ARHGEF4: variants seen among roughly 807,000 people sequenced by gnomAD.
The protein encoded by ARHGEF4 is APC-stimulated guanine nucleotide exchange factor 1.
ARHGEF4 carries 119 observed loss-of-function variants against 162.0 expected under a neutral mutation model. The ratio of observed to expected loss-of-function variants is 0.73; its 90% confidence interval spans 0.63 to 0.86. The LOEUF is 0.86. ARHGEF4 is among the 40% of genes least tolerant of loss of function. ARHGEF4 has a pLI of 0.00. For synonymous variants in ARHGEF4, 1,014 were observed against 979.9 expected (o/e 1.03, Z -0.65); for missense variants, 2,488 against 2,456.0 (o/e 1.01, Z -0.28).
chr2:130,986,819 G>C (rs1453928342), intron 4 of ARHGEF4, among the ~76,000 whole-genome samples: 2 of 152,192 alleles, frequency 1.3e-5, no homozygotes, highest in African/African-American at 4.8e-5. Context: ...CCCTTTCTCT[G>C]GCTGCCTTCT....
At chr2:130,964,381 C>T (rs886994969) in intron 4 of ARHGEF4, 20 of 410,830 alleles carry the variant, frequency 4.9e-5, no homozygotes, top group African/African-American at 4.5e-4. Flanking sequence ...CTCCTGGTCC[C>T]TTCCTTCCCA....
rs1466047060 is a variant in ARHGEF4, at chr2:131,046,420, G to A, written c.*231G>A. On this transcript the variant is annotated 3_prime_UTR_variant, in exon 14 of 14. Coordinates refer to ENST00000409359, the MANE Select transcript of ARHGEF4 (RefSeq NM_001367493.1). ...GGGCAGACCCCGCACTCGCCACACCGCCGCTGCAGCTTGGGCCCCATCCGC... is the reference window on the plus strand; with the variant it reads ...GGGCAGACCCCGCACTCGCCACACCACCGCTGCAGCTTGGGCCCCATCCGC... The A allele has an allele frequency of 9.2e-6, 5 of 541,442 alleles. No homozygotes were observed. Among genetic ancestry groups the A allele is most frequent in the African/African-American group, 3.8e-5 (2 of 52,382 alleles). 33.5% of individuals were successfully genotyped at this position (541,442 alleles called of 1,614,324 possible). A position where few individuals can be genotyped will look rare whatever the true frequency, so the allele number is the denominator to read the frequency against.
At position 130,930,942 on chromosome 2, in the gene ARHGEF4, T is replaced by A; in HGVS notation, c.3553-10T>A. 1.3e-6 allele frequency: 2 copies of A among 1,596,336 alleles called. No homozygotes were observed. The highest frequency in any genetic ancestry group is 2.2e-5 in the East Asian group (1 of 44,446). On this transcript the variant is annotated splice_polypyrimidine_tract_variant and intron_variant, in intron 2 of 13. Transcript: ENST00000409359. ...CCTCTGACCCCTGACCCGTTCTCTC[T>A]GCTCTCCAGAACCACATGCCCTGGG...
At chr2:131,035,073 G>A in intron 5 of ARHGEF4, 1 of 1,018,444 alleles carries the variant, frequency 9.8e-7, no homozygotes, top group Non-Finnish European at 1.2e-6. Flanking sequence ...GGGCCGCACG[G>A]AGCGGGAGGC....
intron 2 of ARHGEF4, among the ~76,000 whole-genome samples, chr2:130,918,053 C>G (rs1001839038): frequency 5.9e-5 from 9 of 151,496 alleles, no homozygotes; most frequent in African/African-American, 1.9e-4. Context: ...AACTCCTGAC[C>G]TCGTGATCCA....
In ARHGEF4 at chr2:131,041,200, G is replaced by A. The variant is rs199690025; in HGVS notation, c.4663-30G>A. On this transcript the variant is annotated intron_variant, in intron 8 of 13. Transcript: ENST00000409359. ...GGATTGCCTGTGGGAGCAGCAGAGA[G>A]CTCTGCTAACCTCCAGCTGTGCCCC... The A allele has an allele frequency of 4.4e-6, 7 of 1,578,086 alleles. No individual in the cohort carries two copies. In the East Asian group the frequency reaches 1.1e-4, roughly 25 times the overall value.
intron 6 of ARHGEF4, 103 bp from the exon 7 acceptor site, chr2:131,039,913 A>G: frequency 6.8e-7 from 1 of 1,475,902 alleles, no homozygotes; most frequent in Non-Finnish European, 8.9e-7. Context: ...CGCCCCGTAC[A>G]CCCTGCGGGG....
intron 1 of ARHGEF4, among the ~76,000 whole-genome samples, chr2:130,903,842 C>CA (rs1434094672): frequency 1.3e-5 from 2 of 152,192 alleles, no homozygotes; most frequent in African/African-American, 4.8e-5. Flanking sequence ...TCCATTTACA[C>CA]AAAGGATTTG....
At chr2:130,977,829 CAGAA>C (rs1685858112) in intron 4 of ARHGEF4, among the ~76,000 whole-genome samples, 1 of 152,106 alleles carries the variant, frequency 6.6e-6, no homozygotes, top group Admixed American at 6.5e-5. Context: ...GCCCACCACA[CAGAA>C]AGCCAATCAC....
chr2:130,974,307 A>G (rs1054052234), intron 4 of ARHGEF4, among the ~76,000 whole-genome samples: 9 of 152,032 alleles, frequency 5.9e-5, no homozygotes, highest in Non-Finnish European at 2.9e-5. Flanking sequence ...TGGGCTATCA[A>G]GAACAATACT....
At position 131,046,967 on chromosome 2, in the gene ARHGEF4, A is replaced by AATTG. The variant is rs1355127586; in HGVS notation, c.*782_*785dup. 1.3e-5 allele frequency: 2 copies of AATTG among 152,662 alleles called. No homozygotes were observed. Among genetic ancestry groups the AATTG allele is most frequent in the African/African-American group, 2.4e-5 (1 of 41,474 alleles). 9.5% of individuals were successfully genotyped at this position (152,662 alleles called of 1,614,324 possible). ...CTAACAACAAACAATGGAGAAAAAG[A>AATTG]ATTGATTCTTAGTGACACAGAAGAT... On this transcript the variant is annotated 3_prime_UTR_variant, in exon 14 of 14. Coordinates refer to ENST00000409359, the MANE Select transcript of ARHGEF4 (RefSeq NM_001367493.1).
At chr2:130,976,299 C>T (rs779616162) in intron 4 of ARHGEF4, among the ~76,000 whole-genome samples, 1 of 151,902 alleles carries the variant, frequency 6.6e-6, no homozygotes, top group Non-Finnish European at 1.5e-5. Flanking sequence ...CTGTTTGCAT[C>T]TAGAGCTCTC....
chr2:130,927,704 C>T (rs7349244), intron 2 of ARHGEF4, among the ~76,000 whole-genome samples: 87,640 of 151,758 alleles, frequency 0.58, 29,640 homozygotes, highest in East Asian at 0.84. Context: ...GGTATATATG[C>T]GGCAAAAGAA....
chr2:130,859,338 T>C (rs1292555720), intron 1 of ARHGEF4, among the ~76,000 whole-genome samples: 2 of 78,004 alleles, frequency 2.6e-5, no homozygotes, highest in Non-Finnish European at 3.3e-5. Context: ...CAGTGAGCCA[T>C]GATCGTGCCA....
intron 1 of ARHGEF4, among the ~76,000 whole-genome samples, chr2:130,869,008 C>G (rs567684172): frequency 6.1e-4 from 93 of 152,364 alleles, no homozygotes; most frequent in African/African-American, 2.2e-3. Flanking sequence ...ATCTCCCCAT[C>G]TCATGCACTT....
rs1681483775 is a variant in ARHGEF4 at position 130,916,244 on chromosome 2, C to A, written c.2298C>A (p.Arg766=). The A allele has an allele frequency of 1.3e-6, 2 of 1,526,476 alleles. No individual in the cohort carries two copies. The highest frequency in any genetic ancestry group is 1.2e-5 in the South Asian group (1 of 80,702). The allele number at this position is 1,526,476 out of a possible 1,614,324, so 94.6% of individuals were successfully genotyped here. A position where few individuals can be genotyped will look rare whatever the true frequency, so the allele number is the denominator to read the frequency against. ...EGGAAAARGQ[R]PRVPALEPPQ... Reference sequence around the variant, plus strand: ...GTGCTGCAGCAGCCCGGGGCCAGCGCCCCCGCGTCCCCGCCTTGGAGCCGC... The same window carrying A: ...GTGCTGCAGCAGCCCGGGGCCAGCGACCCCGCGTCCCCGCCTTGGAGCCGC... The change falls in exon 2 of 14, where the codon CGC becomes CGA. Residue 766 remains arginine, a synonymous_variant. Coordinates refer to ENST00000409359, the MANE Select transcript of ARHGEF4 (RefSeq NM_001367493.1).
intron 4 of ARHGEF4, among the ~76,000 whole-genome samples, chr2:131,020,458 C>T (rs1445575586): frequency 6.6e-6 from 1 of 151,010 alleles, no homozygotes; most frequent in East Asian, 2.0e-4. Flanking sequence ...TTTGTCCTTG[C>T]GATAGTTTGC....
At position 130,916,898 on chromosome 2, in the gene ARHGEF4, C is replaced by T. The variant is rs3739126; in HGVS notation, c.2952C>T (p.Thr984=). 7.9e-3 allele frequency: 12,248 copies of T among 1,550,370 alleles called. 531 individuals carry two copies. In the African/African-American group the frequency reaches 0.11, roughly 15 times the overall value. ...CCGAAGTTCTCTCCCCAGCAGAGAC[C>T]GACAGCCACTGTGAGGAACGGGCGG... ...LGPEVLSPAE[T]DSHCEERAED... The change falls in exon 2 of 14, where the codon ACC becomes ACT. Residue 984 remains threonine, a synonymous_variant. Coordinates refer to ENST00000409359, the MANE Select transcript of ARHGEF4 (RefSeq NM_001367493.1).
chr2:130,970,698 G>A (rs146229678), intron 4 of ARHGEF4, among the ~76,000 whole-genome samples: 2 of 152,104 alleles, frequency 1.3e-5, no homozygotes, highest in Non-Finnish European at 2.9e-5. Flanking sequence ...TTTTCATGTG[G>A]GTGTTTGGCA....
Sources: gnomAD v4.1 joint callset for allele counts (sites outside exome capture counted in the v4.1 genomes callset) on GRCh38, gnomAD v4.1.1 for gene constraint, MANE v1.5 for transcripts, NCBI Gene and HGNC (gene_info 2026-07-23, HGNC 2026-07-21) for gene names.